TYRO3: variants seen among roughly 807,000 people sequenced by gnomAD.
The protein encoded by TYRO3 is tyrosine-protein kinase receptor TYRO3.
In TYRO3, 38 loss-of-function variants were observed where a neutral mutation model predicts 95.2. That is an observed-to-expected ratio of 0.40 (90% CI 0.31 to 0.52). The LOEUF (loss-of-function observed/expected upper bound fraction) is 0.52, where lower values mean the gene tolerates loss of function less well. Among genes scored for constraint, TYRO3 ranks in the 20% least tolerant of loss-of-function variants. The pLI is 0.56. For missense variants in TYRO3, 812 were observed against 1,116.4 expected, an observed-to-expected ratio of 0.73 and a Z score of 3.89; for synonymous variants, 367 against 432.9, an observed-to-expected ratio of 0.85 and a Z score of 1.89.
chr15:41,567,753 T>C (rs907910452), intron 7 of TYRO3, among the ~76,000 whole-genome samples: 2 of 152,042 alleles, frequency 1.3e-5, no homozygotes, highest in African/African-American at 4.8e-5. Flanking sequence ...TGATAAAGAG[T>C]GTCCCCAGGT....
rs185253249 is a variant in TYRO3 at position 41,579,017 on chromosome 15, C to T, written c.*741C>T. 2 of 152,826 alleles carry T rather than the reference C, an allele frequency of 1.3e-5. No homozygotes were observed. Among genetic ancestry groups the T allele is most frequent in the Non-Finnish European group, 2.9e-5 (2 of 68,582 alleles). The allele number at this position is 152,826 out of a possible 1,614,324, so 9.5% of individuals were successfully genotyped here. On this transcript the variant is annotated 3_prime_UTR_variant, in exon 19 of 19. Transcript: ENST00000263798. Reference sequence around the variant, plus strand: ...GAGCAAGTGAGGCCGGAGAGGAGTTCAGGAACCCTTCTCCATACCCACAAT... The same window carrying T: ...GAGCAAGTGAGGCCGGAGAGGAGTTTAGGAACCCTTCTCCATACCCACAAT...
At chr15:41,573,927 T>C in intron 18 of TYRO3, 112 bp downstream of exon 18, 1 of 1,114,416 alleles carries the variant, frequency 9.0e-7, no homozygotes. Context: ...AGAAACATCC[T>C]TGTAGTTGGA....
chr15:41,573,625 C>T (rs1474264948), intron 17 of TYRO3, 54 bp from the exon 18 acceptor site: 2 of 1,455,106 alleles, frequency 1.4e-6, no homozygotes, highest in Non-Finnish European at 1.9e-6. Flanking sequence ...TGGCTCTCTG[C>T]CTGGCTCAGG....
Position 41,573,350 on chromosome 15 carries a change from C to T in TYRO3, c.2028C>T (p.Leu676=). 1 of 1,614,234 alleles carries T rather than the reference C, an allele frequency of 6.2e-7. No individual in the cohort carries two copies. Among genetic ancestry groups the T allele is most frequent in the Non-Finnish European group, 8.5e-7 (1 of 1,180,052 alleles). Residue 676 remains leucine, a synonymous_variant, in exon 17 of 19, where the codon CTC becomes CTT. Transcript: ENST00000263798. ...DMTVCVADFG[L]SRKIYSGDYY... ...CAGTGTGTGTGGCTGACTTCGGACTCTCCCGGAAGATCTACAGTGGGGACT... is the reference window on the plus strand; with the variant it reads ...CAGTGTGTGTGGCTGACTTCGGACTTTCCCGGAAGATCTACAGTGGGGACT...
chr15:41,562,244 C>T (rs546096940), intron 3 of TYRO3: 17 of 244,256 alleles, frequency 7.0e-5, no homozygotes, highest in Middle Eastern at 1.4e-3. Context: ...CCAGCTACTC[C>T]GGAGGCTAAG....
In TYRO3 at chr15:41,564,240, T is replaced by C; in HGVS notation, c.637T>C (p.Ser213Pro). The change falls in exon 5 of 19, where the codon TCT (serine) becomes CCT (proline). Residue 213 changes from serine to proline, a missense_variant. Ser to Pro is a moderately conservative substitution (Grantham distance 74). Transcript: ENST00000263798. ...AGCTCACAACCTAAAAGGCCTGGCC[T>C]CTTCTCGCACAGCCACTGTTCACCT... ...CEAHNLKGLA[S>P]SRTATVHLQA... The C allele has an allele frequency of 6.2e-7, 1 of 1,614,098 alleles. No homozygotes were observed. Among genetic ancestry groups the C allele is most frequent in the Non-Finnish European group, 8.5e-7 (1 of 1,179,996 alleles).
chr15:41,569,108 C>T, intron 9 of TYRO3, 86 bp downstream of exon 9: 2 of 1,486,266 alleles, frequency 1.3e-6, no homozygotes, highest in Non-Finnish European at 1.8e-6. Flanking sequence ...AGCCTAGTAG[C>T]ATCTCCCCTC....
intron 12 of TYRO3, 23 bp downstream of exon 12, chr15:41,570,722 G>T: frequency 6.2e-7 from 1 of 1,609,130 alleles, no homozygotes; most frequent in South Asian, 1.1e-5. Flanking sequence ...GTGTGGGGAT[G>T]GGCATGGCTG....
At chr15:41,576,899 A>G (rs2588325) in intron 18 of TYRO3, among the ~76,000 whole-genome samples, 144,023 of 151,586 alleles carry the variant, frequency 0.95, 68,778 homozygotes, top group Non-Finnish European at 1. Flanking sequence ...CCTGGGGTCA[A>G]AGGATCTTTT....
chr15:41,560,206 G>A (rs1465482413), intron 1 of TYRO3, among the ~76,000 whole-genome samples: 2 of 152,184 alleles, frequency 1.3e-5, no homozygotes, highest in Non-Finnish European at 2.9e-5. Flanking sequence ...GGGAAGGGAA[G>A]GGAAACGGGG....
rs572690214 is a variant in TYRO3 at position 41,561,483 on chromosome 15, C to G, written c.309-56C>G. 29 of 1,359,780 alleles carry G rather than the reference C, an allele frequency of 2.1e-5. No homozygotes were observed. The African/African-American group carries it at 3.3e-4, about 16-fold the overall frequency. 84.2% of individuals were successfully genotyped at this position (1,359,780 alleles called of 1,614,324 possible). A position where few individuals can be genotyped will look rare whatever the true frequency, so the allele number is the denominator to read the frequency against. On this transcript the variant is annotated intron_variant, in intron 2 of 18. Transcript: ENST00000263798. ...GGCAGGCTGAACTCATCAAGTTTGC[C>G]CAGCAGAGCTGCCGCCCTTGCCCTC...
rs1266410065 is a variant in TYRO3, at chr15:41,579,689, C to T, written c.*1413C>T. On this transcript the variant is annotated 3_prime_UTR_variant, in exon 19 of 19. Coordinates refer to ENST00000263798, the MANE Select transcript of TYRO3 (RefSeq NM_006293.4). ...TAAATGTTTACTTTTTTTGAGATCA[C>T]AAAGATGAAAGATTTTTATAGAGAG... 1 of 150,904 alleles carries T rather than the reference C, an allele frequency of 6.6e-6. No homozygotes were observed. The highest frequency in any genetic ancestry group is 1.5e-5 in the Non-Finnish European group (1 of 67,804). 9.3% of individuals were successfully genotyped at this position (150,904 alleles called of 1,614,324 possible).
chr15:41,576,365 G>T (rs1371647052), intron 18 of TYRO3, among the ~76,000 whole-genome samples: 2 of 151,484 alleles, frequency 1.3e-5, no homozygotes, highest in African/African-American at 2.4e-5. Context: ...AGCTAATTTT[G>T]TATTTTTAGT....
At chr15:41,559,914 C>T (rs78489664) in intron 1 of TYRO3, among the ~76,000 whole-genome samples, 271 of 152,352 alleles carry the variant, frequency 1.8e-3, no homozygotes, top group African/African-American at 6.2e-3. Flanking sequence ...AGAGGATGGG[C>T]TGGTGCCAGG....
chr15:41,560,393 A>ATGTGTGTG (rs369495054), intron 1 of TYRO3, among the ~76,000 whole-genome samples: 10,640 of 120,014 alleles, frequency 0.089, 600 homozygotes, highest in Admixed American at 0.17. Flanking sequence ...AGGTGCGTGT[A>ATGTGTGTG]TGTGTGTGTG....
chr15:41,569,920 T>A, intron 9 of TYRO3, 107 bp from the exon 10 acceptor site: 2 of 1,406,416 alleles, frequency 1.4e-6, no homozygotes, highest in Non-Finnish European at 1.9e-6. Flanking sequence ...AGGACCCTTA[T>A]TGACCTAGAG....
chr15:41,568,872 C>A lies in TYRO3; in HGVS notation c.1108-6C>A, dbSNP rs2055758429. 2 of 1,491,102 alleles carry A rather than the reference C, an allele frequency of 1.3e-6. No homozygotes were observed. Among genetic ancestry groups the A allele is most frequent in the Non-Finnish European group, 1.8e-6 (2 of 1,095,332 alleles). 92.4% of individuals were successfully genotyped at this position (1,491,102 alleles called of 1,614,324 possible). A position where few individuals can be genotyped will look rare whatever the true frequency, so the allele number is the denominator to read the frequency against. ...ACTATGGGGTGGGGGCTTTTCCTGG[C>A]TGCAGGATGAGCTGACAGTGGAGGG... On this transcript the variant is annotated splice_region_variant and splice_polypyrimidine_tract_variant and intron_variant, in intron 8 of 18. Transcript: ENST00000263798.
intron 6 of TYRO3, among the ~76,000 whole-genome samples, chr15:41,566,320 T>TAAAAAA (rs57924730): frequency 9.8e-5 from 4 of 40,958 alleles, no homozygotes; most frequent in African/African-American, 4.8e-4. Context: ...CTGTCTCTAT[T>TAAAAAA]AAAAAAAAAA....
At chr15:41,559,486 T>A in intron 1 of TYRO3, 105 bp downstream of exon 1, 1 of 201,320 alleles carries the variant, frequency 5.0e-6, no homozygotes. Flanking sequence ...GGGGTGGGGG[T>A]CCGGAGCCGA....
Sources: gnomAD v4.1 joint callset for allele counts (sites outside exome capture counted in the v4.1 genomes callset) on GRCh38, gnomAD v4.1.1 for gene constraint, MANE v1.5 for transcripts, NCBI Gene and HGNC (gene_info 2026-07-23, HGNC 2026-07-21) for gene names.